MKNK2: variants seen among roughly 807,000 people sequenced by gnomAD.
MKNK2 encodes MAP kinase-interacting serine/threonine-protein kinase 2.
In MKNK2, 54 loss-of-function variants were observed where a neutral mutation model predicts 55.0. That is an observed-to-expected ratio of 0.98 (90% CI 0.79 to 1.23). The LOEUF is 1.23. MKNK2 is among the 50% of genes most tolerant of loss of function. The pLI is 0.00. For synonymous variants in MKNK2, 323 were observed against 256.0 expected, an observed-to-expected ratio of 1.26 and a Z score of -2.50; for missense variants, 685 against 632.1, an observed-to-expected ratio of 1.08 and a Z score of -0.90.
rs746405864 is a variant in MKNK2 at position 2,037,776 on chromosome 19, G to A, written c.*1837C>T. The stretch of plus-strand genomic sequence containing the variant: ...AGTAACGGTTCTGACCAGTCCTCCA[G>A]GTCGCACGTGGATGCGACAGGGGTG... On this transcript the variant is annotated 3_prime_UTR_variant, in exon 14 of 14. Transcript: ENST00000250896. The A allele has an allele frequency of 6.2e-7, 1 of 1,608,218 alleles. No homozygotes were observed.
At position 2,037,622 on chromosome 19, in the gene MKNK2, A is replaced by C. The variant is rs1359402087; in HGVS notation, c.*1991T>G. 7 of 793,334 alleles carry C rather than the reference A, an allele frequency of 8.8e-6. No homozygotes were observed. Among genetic ancestry groups the C allele is most frequent in the Non-Finnish European group, 7.1e-6 (4 of 562,028 alleles). The allele number at this position is 793,334 out of a possible 1,614,324, so 49.1% of individuals were successfully genotyped here. A position where few individuals can be genotyped will look rare whatever the true frequency, so the allele number is the denominator to read the frequency against. ...GATGTTTTTCCCCCACTTTAAAAAA[A>C]CTTTTGAGGTTTTTTTTTTTTTTTT... On this transcript the variant is annotated 3_prime_UTR_variant, in exon 14 of 14. Coordinates refer to ENST00000250896, the MANE Select transcript of MKNK2 (RefSeq NM_199054.3).
At chr19:2,044,283 GC>G (rs2016953879) in intron 5 of MKNK2, among the ~76,000 whole-genome samples, 1 of 152,200 alleles carries the variant, frequency 6.6e-6, no homozygotes, top group Non-Finnish European at 1.5e-5. Context: ...CCAGCTCCGT[GC>G]CAGCCTGGGC....
intron 5 of MKNK2, 112 bp from the exon 6 acceptor site, chr19:2,043,694 C>T: frequency 1.0e-6 from 1 of 973,378 alleles, no homozygotes; most frequent in Non-Finnish European, 1.6e-6. Flanking sequence ...CGCCCTGCAA[C>T]TCTAGAAAGC....
intron 12 of MKNK2, 74 bp downstream of exon 12, chr19:2,040,966 C>A (rs1344317598): frequency 1.4e-6 from 2 of 1,454,334 alleles, no homozygotes; most frequent in Admixed American, 1.7e-5. Context: ...ACCCTCAGGG[C>A]TTCCCATGCT....
At chr19:2,039,998 C>T in intron 13 of MKNK2, 136 bp downstream of exon 13, 1 of 1,384,256 alleles carries the variant, frequency 7.2e-7, no homozygotes, top group Non-Finnish European at 1.0e-6. Flanking sequence ...CAGGGCCCCA[C>T]CGGGAGCTTC....
intron 2 of MKNK2, among the ~76,000 whole-genome samples, chr19:2,047,534 G>A (rs1198485988): frequency 1.3e-5 from 2 of 152,174 alleles, no homozygotes. Context: ...CACAGAATGG[G>A]GACGGCTGAC....
Position 2,038,763 on chromosome 19 carries a change from T to C in MKNK2, c.*850A>G. 1.0e-6 allele frequency: 1 copy of C among 985,590 alleles called. No homozygotes were observed. Among genetic ancestry groups the C allele is most frequent in the Non-Finnish European group, 1.2e-6 (1 of 829,938 alleles). 61.1% of individuals were successfully genotyped at this position (985,590 alleles called of 1,614,324 possible). ...TGTCTTCAGGACCCCCCACATTGGC[T>C]GACAGTGCCTGTCCAGCCCCTCTGC... On this transcript the variant is annotated 3_prime_UTR_variant, in exon 14 of 14. Transcript: ENST00000250896.
rs369352961 is a variant in MKNK2 at position 2,040,194 on chromosome 19, C to T, written c.1111-17G>A. 1.3e-5 allele frequency: 20 copies of T among 1,564,332 alleles called. No individual in the cohort carries two copies. The highest frequency in any genetic ancestry group is 4.0e-5 in the African/African-American group (3 of 74,088). ...CGGGGCGCACTGCAACGAGAGTGGG[C>T]GGGGGCAGGGCTGGAGAGCAGCTGG... On this transcript the variant is annotated splice_polypyrimidine_tract_variant and intron_variant, in intron 12 of 13. Coordinates refer to ENST00000250896, the MANE Select transcript of MKNK2 (RefSeq NM_199054.3).
chr19:2,042,075 C>G (rs1229899370), intron 10 of MKNK2, 41 bp from the exon 11 acceptor site: 2 of 1,440,194 alleles, frequency 1.4e-6, no homozygotes, highest in East Asian at 2.8e-5. Context: ...GGTTTCCCAG[C>G]ATTACGTGGG....
intron 11 of MKNK2, 132 bp from the exon 12 acceptor site, chr19:2,041,336 G>C (rs1023992855): frequency 2.2e-6 from 2 of 909,964 alleles, no homozygotes; most frequent in Middle Eastern, 2.5e-4. Flanking sequence ...GGGGCAGAGG[G>C]GGCTGGGAGC....
In MKNK2 at chr19:2,038,027, C is replaced by T. The variant is rs2016789812; in HGVS notation, c.*1586G>A. On this transcript the variant is annotated 3_prime_UTR_variant, in exon 14 of 14. Coordinates refer to ENST00000250896, the MANE Select transcript of MKNK2 (RefSeq NM_199054.3). The stretch of plus-strand genomic sequence containing the variant: ...ATGGGGGAAAGGGGTGGGCGGAATG[C>T]CCCACCCCCCCCAGGGGTCTTTGGA... 2 of 1,315,804 alleles carry T rather than the reference C, an allele frequency of 1.5e-6. No individual in the cohort carries two copies. Among genetic ancestry groups the T allele is most frequent in the Non-Finnish European group, 2.0e-6 (2 of 1,023,620 alleles). 81.5% of individuals were successfully genotyped at this position (1,315,804 alleles called of 1,614,324 possible). A position where few individuals can be genotyped will look rare whatever the true frequency, so the allele number is the denominator to read the frequency against.
intron 2 of MKNK2, among the ~76,000 whole-genome samples, chr19:2,048,306 G>C (rs1373037877): frequency 1.3e-5 from 2 of 152,182 alleles, no homozygotes; most frequent in African/African-American, 4.8e-5. Flanking sequence ...GTGCAGATTA[G>C]AGTAGGCTTT....
In MKNK2 at chr19:2,043,157, G is replaced by C. The variant is rs755080966; in HGVS notation, c.460C>G (p.Arg154Gly). The C allele has an allele frequency of 6.2e-7, 1 of 1,613,594 alleles. No homozygotes were observed. Among genetic ancestry groups the C allele is most frequent in the African/African-American group, 1.3e-5 (1 of 74,900 alleles). Residue 154 changes from arginine (R) to glycine (G), a missense_variant, in exon 7 of 14, where the codon CGC becomes GGC. Physicochemically the swap from Arg to Gly is moderately radical, Grantham distance 125. Coordinates refer to ENST00000250896, the MANE Select transcript of MKNK2 (RefSeq NM_199054.3). ...ATCTTCTCAAACACCAGGTAGAAGC[G>C]GTCCTCCTCCTCGAAGAACTCAATC... ...ELIEFFEEED[R>G]FYLVFEKMRG... is the part of the protein sequence containing the mutation.
Position 2,039,607 on chromosome 19 carries a change from G to A in MKNK2, c.*6C>T, listed in dbSNP as rs1390184603. On this transcript the variant is annotated 3_prime_UTR_variant, in exon 14 of 14. Coordinates refer to ENST00000250896, the MANE Select transcript of MKNK2 (RefSeq NM_199054.3). ...GTGACCTATGTACAGAGGGGAGATG[G>A]GAGGGTCAGGCGTGGTCTCCCACCA... 1 of 1,608,046 alleles carries A rather than the reference G, an allele frequency of 6.2e-7. No individual in the cohort carries two copies. The highest frequency in any genetic ancestry group is 8.5e-7 in the Non-Finnish European group (1 of 1,177,188).
intron 11 of MKNK2, among the ~76,000 whole-genome samples, chr19:2,041,445 C>G (rs924115475): frequency 1.3e-5 from 2 of 152,158 alleles, no homozygotes; most frequent in Non-Finnish European, 2.9e-5. Flanking sequence ...AGATGCTGAG[C>G]CTTAAGCCGC....
intron 2 of MKNK2, among the ~76,000 whole-genome samples, chr19:2,048,731 G>A (rs1246419709): frequency 2.0e-5 from 3 of 152,072 alleles, no homozygotes; most frequent in Non-Finnish European, 2.9e-5. Flanking sequence ...CTGCCCTCCT[G>A]CCTCCCCACC....
chr19:2,045,531 T>C (rs948331743), intron 5 of MKNK2, among the ~76,000 whole-genome samples: 4 of 151,750 alleles, frequency 2.6e-5, no homozygotes, highest in Middle Eastern at 3.4e-3. Flanking sequence ...TCTTCCTCCT[T>C]CTCCTCAGAG....
intron 2 of MKNK2, among the ~76,000 whole-genome samples, chr19:2,049,646 T>C (rs998099545): frequency 1.5e-4 from 23 of 152,206 alleles, no homozygotes; most frequent in African/African-American, 5.1e-4. Flanking sequence ...TTTAGCTGCC[T>C]GGCTGGCCCC....
In MKNK2 at chr19:2,037,611, A is replaced by T; in HGVS notation, c.*2002T>A. On this transcript the variant is annotated 3_prime_UTR_variant, in exon 14 of 14. Coordinates refer to ENST00000250896, the MANE Select transcript of MKNK2 (RefSeq NM_199054.3). ...TAAAGTGCTTGGATGTTTTTCCCCC[A>T]CTTTAAAAAAACTTTTGAGGTTTTT... 1 of 701,886 alleles carries T rather than the reference A, an allele frequency of 1.4e-6. No homozygotes were observed. Among genetic ancestry groups the T allele is most frequent in the Non-Finnish European group, 2.1e-6 (1 of 480,364 alleles). The allele number at this position is 701,886 out of a possible 1,614,324, so 43.5% of individuals were successfully genotyped here.
Sources: allele counts gnomAD v4.1 joint callset (sites outside exome capture counted in the v4.1 genomes callset), GRCh38; gene constraint gnomAD v4.1.1; transcripts MANE v1.5; gene names NCBI Gene and HGNC (gene_info 2026-07-23, HGNC 2026-07-21).